The following SLC35F5 variants were observed in gnomAD, a reference collection of about 807,000 sequenced individuals.
SLC35F5 encodes the protein solute carrier family 35 member F5.
In SLC35F5, 54 loss-of-function variants were observed where a neutral mutation model predicts 68.6. The ratio of observed to expected loss-of-function variants is 0.79; its 90% CI spans 0.63 to 0.99. The LOEUF (loss-of-function observed/expected upper bound fraction) is 0.99, where lower values mean the gene tolerates loss of function less well. SLC35F5 is among the 50% of genes least tolerant of loss of function. The pLI is 0.00. For missense variants in SLC35F5, 567 were observed against 626.9 expected (o/e 0.90, Z 1.02); for synonymous variants, 211 against 205.2 (o/e 1.03, Z -0.24).
At chr2:113,738,248 G>A (rs747631788) in intron 7 of SLC35F5, among the ~76,000 whole-genome samples, 2 of 151,898 alleles carry the variant, frequency 1.3e-5, no homozygotes, top group African/African-American at 2.4e-5. Flanking sequence ...TGACCAACAC[G>A]TCCCCATTTC....
intron 7 of SLC35F5, among the ~76,000 whole-genome samples, chr2:113,738,174 T>A (rs1688161829): frequency 6.6e-6 from 1 of 152,184 alleles, no homozygotes; most frequent in Non-Finnish European, 1.5e-5. Context: ...TACTGTTATC[T>A]GAAGTCTCCA....
At chr2:113,731,480 A>G in intron 10 of SLC35F5, 104 bp downstream of exon 10, 1 of 727,868 alleles carries the variant, frequency 1.4e-6, no homozygotes, top group Non-Finnish European at 2.3e-6. Context: ...AAAAAAACCC[A>G]CCCTGCTAGT....
chr2:113,738,905 T>C (rs11679707), intron 7 of SLC35F5, among the ~76,000 whole-genome samples: 75,135 of 151,930 alleles, frequency 0.49, 19,215 homozygotes, highest in Middle Eastern at 0.66. Flanking sequence ...ACATCAATAA[T>C]ATGTTGAAAT....
intron 6 of SLC35F5, among the ~76,000 whole-genome samples, 156 bp downstream of exon 6, chr2:113,743,557 G>C (rs925961150): frequency 1.4e-4 from 21 of 152,100 alleles, no homozygotes; most frequent in Non-Finnish European, 2.8e-4. Context: ...TACTATATTA[G>C]ATTCACAATC....
At chr2:113,721,210 G>A (rs969320814) in intron 13 of SLC35F5, 1 of 151,640 alleles carries the variant, frequency 6.6e-6, no homozygotes, top group African/African-American at 2.4e-5. Flanking sequence ...TACAGTTCTG[G>A]ACACACACTG....
In SLC35F5 at chr2:113,708,851, T is replaced by C. The variant is rs1246465125; in HGVS notation, c.*6367A>G. On this transcript the variant is annotated 3_prime_UTR_variant, in exon 16 of 16. Coordinates refer to ENST00000245680, the MANE Select transcript of SLC35F5 (RefSeq NM_025181.5). ...AAGATCAAGCAGGTGATGAAAACTA[T>C]ACCTTTTGAACATGCATTAGGTAAC... is the stretch of plus-strand genomic sequence containing the variant. Among the ~76,000 whole-genome samples, 1 of 141,356 alleles carries C rather than the reference T, an allele frequency of 7.1e-6. No homozygotes were observed. Among genetic ancestry groups the C allele is most frequent in the Non-Finnish European group, 1.6e-5 (1 of 61,862 alleles). The allele number at this position is 141,356 out of a possible 152,430, so 92.7% of individuals were successfully genotyped here.
Position 113,711,384 on chromosome 2 carries a change from A to T in SLC35F5, c.*3834T>A, listed in dbSNP as rs1686975830. 6.6e-6 allele frequency among the ~76,000 whole-genome samples: 1 copy of T among 152,238 alleles called. No individual in the cohort carries two copies. The highest frequency in any genetic ancestry group is 2.1e-4 in the South Asian group (1 of 4,836). On this transcript the variant is annotated 3_prime_UTR_variant, in exon 16 of 16. Coordinates refer to ENST00000245680, the MANE Select transcript of SLC35F5 (RefSeq NM_025181.5). ...AACACTATTTTTTAAATGTAGTAAC[A>T]TTAAAATATTAAAATATCCCGTTTA...
chr2:113,749,749 T>C (rs1676659842), intron 4 of SLC35F5, among the ~76,000 whole-genome samples: 1 of 152,282 alleles, frequency 6.6e-6, no homozygotes, highest in Non-Finnish European at 1.5e-5. Context: ...ATGCGCTTAA[T>C]GCCACTACTA....
At chr2:113,753,168 C>CTTTTTTT (rs1173478465) in intron 3 of SLC35F5, among the ~76,000 whole-genome samples, 1,812 of 49,086 alleles carry the variant, frequency 0.037, 313 homozygotes, top group Non-Finnish European at 0.04. Flanking sequence ...GTTTGTTTTT[C>CTTTTTTT]TTTTTTTTTT....
chr2:113,729,293 T>C (rs2104431535), intron 11 of SLC35F5, 108 bp downstream of exon 11: 1 of 580,400 alleles, frequency 1.7e-6, no homozygotes, highest in Non-Finnish European at 3.0e-6. Flanking sequence ...TTTTAAAGAA[T>C]CATACGGAAG....
chr2:113,728,748 A>G (rs1351548719), intron 11 of SLC35F5, among the ~76,000 whole-genome samples: 1 of 152,238 alleles, frequency 6.6e-6, no homozygotes, highest in African/African-American at 2.4e-5. Flanking sequence ...ATCTATTTAT[A>G]TTCAGATATC....
At position 113,735,778 on chromosome 2, in the gene SLC35F5, G is replaced by T; in HGVS notation, c.831C>A (p.Ser277=). The change falls in exon 8 of 16, where the codon TCC becomes TCA. Residue 277 remains serine, a splice_region_variant and synonymous_variant. Transcript: ENST00000245680. ...VAIVNILSST[S]GLFTLILAAV... is the part of the protein sequence containing the mutation. ...GATTTTTAAAGACAAATTTCTTACC[G>T]GAAGTTGAAGATAAAATATTAACTA... is the stretch of plus-strand genomic sequence containing the variant. 6.3e-7 allele frequency: 1 copy of T among 1,592,708 alleles called. No individual in the cohort carries two copies. Among genetic ancestry groups the T allele is most frequent in the South Asian group, 1.1e-5 (1 of 87,808 alleles).
At chr2:113,720,770 A>C (rs1298888124) in intron 13 of SLC35F5, among the ~76,000 whole-genome samples, 1 of 152,220 alleles carries the variant, frequency 6.6e-6, no homozygotes, top group Non-Finnish European at 1.5e-5. Flanking sequence ...TTTCATGAAT[A>C]TTCAACTAAA....
Position 113,725,380 on chromosome 2 carries a change from C to A in SLC35F5, c.1248G>T (p.Leu416Phe). ...ATTGGAGAATAAACAGTACATACCA[C>A]AACCACAGGAACTCTGAGAGTACTG... ...IGTVLSEFLWLWGCFLTSSLI... is the reference protein window; with the variant it reads ...IGTVLSEFLWFWGCFLTSSLI... The change falls in exon 12 of 16, where the codon TTG becomes TTT. Residue 416 changes from leucine (L) to phenylalanine (F), a missense_variant and splice_region_variant. Leu to Phe is a conservative substitution (Grantham distance 22). Transcript: ENST00000245680. 6.3e-7 allele frequency: 1 copy of A among 1,599,484 alleles called. No individual in the cohort carries two copies. Among genetic ancestry groups the A allele is most frequent in the South Asian group, 1.1e-5 (1 of 87,498 alleles).
Position 113,756,500 on chromosome 2 carries a change from C to T in SLC35F5, c.-91G>A. 1 of 1,516,956 alleles carries T rather than the reference C, an allele frequency of 6.6e-7. No individual in the cohort carries two copies. The allele number at this position is 1,516,956 out of a possible 1,614,324, so 94.0% of individuals were successfully genotyped here. ...TCACCGCGCCTGACATCGCGCCGCA[C>T]TGGAGGCCCAGCTCCTGAAGACGCG... On this transcript the variant is annotated 5_prime_UTR_variant, in exon 1 of 16. In the 5' UTR this introduces an upstream ATG that the reference lacks. Transcript: ENST00000245680.
At position 113,707,226 on chromosome 2, in the gene SLC35F5, C is replaced by T. The variant is rs1252038707; in HGVS notation, c.*7992G>A. ...GAAAGTACTCTTTGATTACCTCTGG[C>T]CTTCTGGGTCTGGTAATTAAGTTGA... On this transcript the variant is annotated 3_prime_UTR_variant, in exon 16 of 16. Transcript: ENST00000245680. Among the ~76,000 whole-genome samples, 1 of 152,116 alleles carries T rather than the reference C, an allele frequency of 6.6e-6. No individual in the cohort carries two copies. The highest frequency in any genetic ancestry group is 1.5e-5 in the Non-Finnish European group (1 of 68,012).
At chr2:113,733,472 C>A in intron 9 of SLC35F5, 1 of 268,102 alleles carries the variant, frequency 3.7e-6, no homozygotes, top group Non-Finnish European at 7.8e-6. Flanking sequence ...AATAAAACCT[C>A]ATTTACTTCT....
At chr2:113,715,665 T>C (rs1315227492) in intron 15 of SLC35F5, among the ~76,000 whole-genome samples, 1 of 152,124 alleles carries the variant, frequency 6.6e-6, no homozygotes, top group Non-Finnish European at 1.5e-5. Flanking sequence ...CTTTCAAGAA[T>C]ACAAAGTCCT....
intron 4 of SLC35F5, 59 bp from the exon 5 acceptor site, chr2:113,746,398 G>T (rs1165700160): frequency 1.5e-6 from 2 of 1,361,784 alleles, no homozygotes; most frequent in Non-Finnish European, 1.0e-6. Flanking sequence ...TGTAGGACTA[G>T]TCAGACGTAA....
Sources: allele counts gnomAD v4.1 joint callset (sites outside exome capture counted in the v4.1 genomes callset), GRCh38; gene constraint gnomAD v4.1.1; transcripts MANE v1.5; gene names NCBI Gene and HGNC (gene_info 2026-07-23, HGNC 2026-07-21).